Variants in SLC8A1 observed in about 807,000 individuals in gnomAD.
SLC8A1 encodes solute carrier family 8 member A1.
In SLC8A1, 18 loss-of-function variants were observed where a neutral mutation model predicts 68.3. That is an observed-to-expected ratio of 0.26 (90% CI 0.18 to 0.39). The LOEUF (loss-of-function observed/expected upper bound fraction) is 0.39. Ranked by LOEUF, SLC8A1 falls within the 10% of genes least tolerant of loss-of-function variation. The pLI, the probability that SLC8A1 is intolerant of heterozygous loss-of-function variation, is 1.00. For missense variants in SLC8A1, 985 were observed against 1,156.7 expected, an observed-to-expected ratio of 0.85 and a Z score of 2.15; for synonymous variants, 475 against 415.5, an observed-to-expected ratio of 1.14 and a Z score of -1.74.
Position 40,428,998 on chromosome 2 carries a change from G to A in SLC8A1, c.1283C>T (p.Thr428Ile), listed in dbSNP as rs780712627. The A allele has an allele frequency of 4.3e-6, 7 of 1,613,752 alleles. No homozygotes were observed. The East Asian group carries it at 1.1e-4, about 26-fold the overall frequency. ...CAAATCACCACCTCTGCGGATAATG[G>A]TAAGGGCCACAGTACCACAGTTCTC... The change falls in exon 2 of 8, where the codon ACC becomes ATC. Residue 428 changes from threonine (T) to isoleucine (I), a missense_variant. Thr to Ile is a moderately conservative substitution (Grantham distance 89). Transcript: ENST00000406785.
At chr2:40,304,420 T>C (rs1339391830) in intron 2 of SLC8A1, among the ~76,000 whole-genome samples, 1 of 152,142 alleles carries the variant, frequency 6.6e-6, no homozygotes, top group Non-Finnish European at 1.5e-5. Flanking sequence ...TATCAAGTCC[T>C]GGAAGGACTG....
intron 2 of SLC8A1, among the ~76,000 whole-genome samples, chr2:40,425,876 G>T (rs111344957): frequency 0.019 from 2,946 of 152,034 alleles, 43 homozygotes; most frequent in Middle Eastern, 0.031. Flanking sequence ...CCATTACTGG[G>T]TATATACCCA....
At chr2:40,437,722 A>AT (rs200381719) in intron 1 of SLC8A1, among the ~76,000 whole-genome samples, 134 of 152,206 alleles carry the variant, frequency 8.8e-4, no homozygotes, top group African/African-American at 2.9e-3. Context: ...CTTGGGGGTC[A>AT]TTTTTCTTAA....
chr2:40,136,747 A>G (rs1031368977), intron 7 of SLC8A1, among the ~76,000 whole-genome samples: 2 of 152,202 alleles, frequency 1.3e-5, no homozygotes, highest in Non-Finnish European at 2.9e-5. Flanking sequence ...ATAATAAAAC[A>G]TTGCTCTGAA....
In SLC8A1 at chr2:40,178,634, T is replaced by C. The variant is rs371009322; in HGVS notation, c.1809-779A>G. 49 of 684,078 alleles carry C rather than the reference T, an allele frequency of 7.2e-5. No homozygotes were observed. In the East Asian group the frequency reaches 9.3e-4, roughly 13 times the overall value. 42.4% of individuals were successfully genotyped at this position (684,078 alleles called of 1,614,324 possible). A position where few individuals can be genotyped will look rare whatever the true frequency, so the allele number is the denominator to read the frequency against. The stretch of plus-strand genomic sequence containing the variant: ...AAACTTCTGTACTGTGAGTTTTTTC[T>C]TCAAGAATGGGTATCAGATAGGTAT... On this transcript the variant is annotated intron_variant, in intron 2 of 7. Coordinates refer to ENST00000406785, the Ensembl canonical transcript of SLC8A1.
intron 2 of SLC8A1, among the ~76,000 whole-genome samples, chr2:40,187,425 T>G (rs1178587842): frequency 1.3e-5 from 2 of 152,032 alleles, no homozygotes; most frequent in East Asian, 3.9e-4. Context: ...TGTCAAATGG[T>G]TATTGAAATC....
intron 1 of SLC8A1, among the ~76,000 whole-genome samples, chr2:40,485,456 T>G (rs1704900573): frequency 6.6e-6 from 1 of 152,214 alleles, no homozygotes; most frequent in African/African-American, 2.4e-5. Context: ...CCGCTATTCT[T>G]TTAAGACTAT....
At chr2:40,338,062 GTCTTAAGTTTC>G (rs1321012095) in intron 2 of SLC8A1, among the ~76,000 whole-genome samples, 1 of 151,952 alleles carries the variant, frequency 6.6e-6, no homozygotes, top group South Asian at 2.1e-4. Context: ...AAAGTGCTCT[GTCTTAAGTTTC>G]TCTCTATCTC....
At chr2:40,310,599 G>A (rs2073495042) in intron 2 of SLC8A1, among the ~76,000 whole-genome samples, 1 of 152,114 alleles carries the variant, frequency 6.6e-6, no homozygotes, top group Admixed American at 6.6e-5. Flanking sequence ...CAGAAGCATA[G>A]AATATTTGCA....
intron 1 of SLC8A1, among the ~76,000 whole-genome samples, chr2:40,431,927 G>C (rs981091752): frequency 2.0e-5 from 3 of 152,114 alleles, no homozygotes; most frequent in Non-Finnish European, 2.9e-5. Context: ...TCACTACAGG[G>C]AGATAAGCTT....
exon 8 of SLC8A1, chr2:40,113,096 T>A (rs1172421546): frequency 6.6e-6 from 1 of 152,280 alleles, no homozygotes; most frequent in Non-Finnish European, 1.5e-5. Context: ...CTAGACTGTT[T>A]TGTTCATGGC....
chr2:40,144,546 G>C (rs1331049635), intron 6 of SLC8A1, among the ~76,000 whole-genome samples: 1 of 151,868 alleles, frequency 6.6e-6, no homozygotes, highest in East Asian at 1.9e-4. Context: ...TTAATGCCTA[G>C]TGTTATATAG....
At chr2:40,506,220 T>A (rs1297966689) in intron 1 of SLC8A1, among the ~76,000 whole-genome samples, 1 of 151,884 alleles carries the variant, frequency 6.6e-6, no homozygotes, top group African/African-American at 2.4e-5. Context: ...CGTTGGTGAA[T>A]TTTTGGAGGT....
At chr2:40,125,656 G>T (rs938729990) in intron 7 of SLC8A1, among the ~76,000 whole-genome samples, 1 of 151,856 alleles carries the variant, frequency 6.6e-6, no homozygotes, top group African/African-American at 2.4e-5. Flanking sequence ...CTTTTTACAG[G>T]CTTGTTAAGA....
At chr2:40,311,936 C>A (rs2073761983) in intron 2 of SLC8A1, among the ~76,000 whole-genome samples, 1 of 152,056 alleles carries the variant, frequency 6.6e-6, no homozygotes, top group South Asian at 2.1e-4. Context: ...TACAAAGAGG[C>A]ACTTGTGAAA....
chr2:40,384,230 C>A (rs958300484), intron 2 of SLC8A1, among the ~76,000 whole-genome samples: 1 of 151,944 alleles, frequency 6.6e-6, no homozygotes, highest in Non-Finnish European at 1.5e-5. Context: ...GCACTTTAGT[C>A]TGGGAGACCG....
At chr2:40,202,381 A>AT (rs1387159197) in intron 2 of SLC8A1, among the ~76,000 whole-genome samples, 6 of 151,750 alleles carry the variant, frequency 4.0e-5, no homozygotes, top group Non-Finnish European at 5.9e-5. Context: ...TTACCATCAG[A>AT]TTTTTTTCTG....
At chr2:40,253,126 CACGTATATATGTATATGTATATACAT>C (rs1399924592) in intron 2 of SLC8A1, among the ~76,000 whole-genome samples, 2 of 107,512 alleles carry the variant, frequency 1.9e-5, no homozygotes, top group African/African-American at 4.1e-5. Context: ...TACATATATA[CACGTATATATGTATATGTATATACAT>C]ACATATATAT....
intron 2 of SLC8A1, among the ~76,000 whole-genome samples, chr2:40,404,998 G>C (rs980643232): frequency 6.6e-6 from 1 of 152,014 alleles, no homozygotes; most frequent in Non-Finnish European, 1.5e-5. Context: ...ATAATCCCAC[G>C]AAAATTCTGT....
Sources: allele counts gnomAD v4.1 joint callset (sites outside exome capture counted in the v4.1 genomes callset), GRCh38; gene constraint gnomAD v4.1.1; transcripts MANE v1.5; gene names NCBI Gene and HGNC (gene_info 2026-07-23, HGNC 2026-07-21).